The following GLYR1 variants were observed in gnomAD, a reference collection of about 807,000 sequenced individuals.
GLYR1 encodes cytokine-like nuclear factor N-PAC.
A neutral mutation model predicts 72.7 loss-of-function variants in GLYR1; 21 were observed. That is an observed-to-expected ratio of 0.29 (90% CI 0.20 to 0.42). The LOEUF (loss-of-function observed/expected upper bound fraction) is 0.42, where lower values mean the gene tolerates loss of function less well. Ranked by LOEUF, GLYR1 falls within the 10% of genes least tolerant of loss-of-function variation. GLYR1 has a pLI of 1.00. For missense variants in GLYR1, 594 were observed against 712.1 expected, an observed-to-expected ratio of 0.83 and a Z score of 1.89; for synonymous variants, 392 against 270.2, an observed-to-expected ratio of 1.45 and a Z score of -4.42.
chr16:4,838,880 C>G (rs2085341224), intron 3 of GLYR1, among the ~76,000 whole-genome samples: 1 of 152,076 alleles, frequency 6.6e-6, no homozygotes, highest in African/African-American at 2.4e-5. Context: ...AGCCACCGTG[C>G]CTGGCCAAAA....
chr16:4,816,663 T>C (rs1395989111), intron 10 of GLYR1, among the ~76,000 whole-genome samples: 1 of 152,124 alleles, frequency 6.6e-6, no homozygotes, highest in Non-Finnish European at 1.5e-5. Flanking sequence ...TCTATGTTAG[T>C]ATTTATTTTC....
Position 4,804,933 on chromosome 16 carries a change from C to CTGTGTGTGTGTGTGTGTGTGTGTGTGTG in GLYR1, c.*275_*302dup, listed in dbSNP as rs143624351. On this transcript the variant is annotated 3_prime_UTR_variant, in exon 16 of 16. Coordinates refer to ENST00000321919, the MANE Select transcript of GLYR1 (RefSeq NM_032569.4). ...GCAGCTTCTATCCTGGGGCGAGAGC[C>CTGTGTGTGTGTGTGTGTGTGTGTGTGTG]TGTGTGTGTGTGTGTGTGTGTGTGT... 311 of 297,492 alleles carry CTGTGTGTGTGTGTGTGTGTGTGTGTGTG rather than the reference C, an allele frequency of 1.0e-3. 5 individuals carry two copies. The highest frequency in any genetic ancestry group is 2.1e-3 in the Middle Eastern group (2 of 948). 18.4% of individuals were successfully genotyped at this position (297,492 alleles called of 1,614,324 possible). A position where few individuals can be genotyped will look rare whatever the true frequency, so the allele number is the denominator to read the frequency against.
chr16:4,825,703 G>A (rs533282669), intron 5 of GLYR1, among the ~76,000 whole-genome samples: 1 of 151,376 alleles, frequency 6.6e-6, no homozygotes, highest in Non-Finnish European at 1.5e-5. Flanking sequence ...CCAGGCTGCA[G>A]TGCAGTGGCA....
At chr16:4,815,808 G>C (rs1398349743) in intron 10 of GLYR1, among the ~76,000 whole-genome samples, 2 of 151,412 alleles carry the variant, frequency 1.3e-5, no homozygotes, top group Non-Finnish European at 2.9e-5. Context: ...TTTTGAGACA[G>C]AGTCTCGCTG....
chr16:4,823,695 T>C, intron 6 of GLYR1, 126 bp downstream of exon 6: 1 of 781,386 alleles, frequency 1.3e-6, no homozygotes, highest in African/African-American at 1.7e-5. Context: ...CATAGACTTC[T>C]GTACTGTTTT....
chr16:4,808,022 G>A (rs540844668), intron 15 of GLYR1, among the ~76,000 whole-genome samples: 2 of 152,194 alleles, frequency 1.3e-5, no homozygotes, highest in Admixed American at 6.5e-5. Context: ...GATTACTTGA[G>A]GCCAGGAGTT....
At chr16:4,835,234 C>T (rs1659770320) in intron 3 of GLYR1, among the ~76,000 whole-genome samples, 1 of 152,076 alleles carries the variant, frequency 6.6e-6, no homozygotes, top group Non-Finnish European at 1.5e-5. Flanking sequence ...CACAGGAACC[C>T]GATTCTGAGG....
chr16:4,822,402 CTTTT>C (rs1279331646), intron 7 of GLYR1, among the ~76,000 whole-genome samples: 4 of 151,004 alleles, frequency 2.6e-5, no homozygotes, highest in Non-Finnish European at 4.4e-5. Flanking sequence ...GTTTATTTAT[CTTTT>C]TTGAGACAGA....
chr16:4,812,053 A>T, intron 13 of GLYR1, 33 bp downstream of exon 13: 12 of 1,596,936 alleles, frequency 7.5e-6, no homozygotes, highest in Non-Finnish European at 1.0e-5. Flanking sequence ...ATGTGGCCCC[A>T]GGCTCCAGGC....
intron 15 of GLYR1, among the ~76,000 whole-genome samples, chr16:4,805,570 G>C (rs1379319986): frequency 1.3e-5 from 2 of 152,254 alleles, no homozygotes; most frequent in Non-Finnish European, 2.9e-5. Context: ...AAAACATTCA[G>C]CATTGGCCGG....
chr16:4,833,194 C>A, intron 3 of GLYR1: 1 of 270,090 alleles, frequency 3.7e-6, no homozygotes, highest in Non-Finnish European at 6.9e-6. Flanking sequence ...TTTATTTCCA[C>A]AATCGTCTAT....
chr16:4,805,810 T>A (rs1215809354), intron 15 of GLYR1, among the ~76,000 whole-genome samples: 5 of 145,280 alleles, frequency 3.4e-5, no homozygotes, highest in African/African-American at 7.6e-5. Context: ...ACCCCTTCTT[T>A]AAAAAAAAAA....
chr16:4,816,620 G>C (rs1252306562), intron 10 of GLYR1, among the ~76,000 whole-genome samples: 1 of 152,022 alleles, frequency 6.6e-6, no homozygotes, highest in East Asian at 1.9e-4. Context: ...TGATCTTCTT[G>C]TGTGATTTTT....
chr16:4,844,444 T>C (rs1362299523), intron 3 of GLYR1, among the ~76,000 whole-genome samples: 2 of 152,268 alleles, frequency 1.3e-5, no homozygotes, highest in South Asian at 2.1e-4. Flanking sequence ...TAATGATATA[T>C]GGCATTAAAA....
In GLYR1 at chr16:4,805,322, A is replaced by G. The variant is rs76658553; in HGVS notation, c.1588-12T>C. 5 of 1,611,814 alleles carry G rather than the reference A, an allele frequency of 3.1e-6. No homozygotes were observed. Among genetic ancestry groups the G allele is most frequent in the Non-Finnish European group, 4.2e-6 (5 of 1,178,726 alleles). On this transcript the variant is annotated splice_polypyrimidine_tract_variant and intron_variant, in intron 15 of 15. Transcript: ENST00000321919. ...GCTCTTTTGTACACCTGGAAAAAAA[A>G]GAGATGGCTCAGTCTCTGGCCCCAG...
At chr16:4,835,449 T>C (rs2085067709) in intron 3 of GLYR1, among the ~76,000 whole-genome samples, 4 of 152,230 alleles carry the variant, frequency 2.6e-5, no homozygotes, top group African/African-American at 2.4e-5. Flanking sequence ...ACAGTATGAA[T>C]AGGATGGTAA....
chr16:4,835,466 G>A (rs536482334), intron 3 of GLYR1, among the ~76,000 whole-genome samples: 1 of 152,288 alleles, frequency 6.6e-6, no homozygotes, highest in African/African-American at 2.4e-5. Flanking sequence ...GTAAATCCAA[G>A]AAATGTTAAT....
chr16:4,840,525 T>G (rs942565141), intron 3 of GLYR1, among the ~76,000 whole-genome samples: 2 of 152,056 alleles, frequency 1.3e-5, no homozygotes, highest in Admixed American at 6.6e-5. Flanking sequence ...TCCTTTCTTT[T>G]CAAACAAACA....
chr16:4,812,458 A>G (rs148415703), intron 12 of GLYR1, among the ~76,000 whole-genome samples: 1 of 151,980 alleles, frequency 6.6e-6, no homozygotes, highest in African/African-American at 2.4e-5. Context: ...CAGTGATGAG[A>G]CGCTGGGGTC....
Sources: allele counts gnomAD v4.1 joint callset (sites outside exome capture counted in the v4.1 genomes callset), GRCh38; gene constraint gnomAD v4.1.1; transcripts MANE v1.5; gene names NCBI Gene and HGNC (gene_info 2026-07-23, HGNC 2026-07-21).